The following IL15 variants were observed in gnomAD, a reference collection of about 807,000 sequenced individuals.
The protein encoded by IL15 is interleukin-15.
IL15 carries 11 observed loss-of-function variants against 19.6 expected under a neutral mutation model. The ratio of observed to expected loss-of-function variants is 0.56; its 90% CI spans 0.35 to 0.93. IL15 has a LOEUF of 0.93. IL15 is among the 40% of genes least tolerant of loss of function. The probability of loss-of-function intolerance (pLI) is 0.01; values close to 1 mark genes in which losing one functional copy is unlikely to be tolerated. For synonymous variants in IL15, 58 were observed against 59.6 expected, an observed-to-expected ratio of 0.97 and a Z score of 0.12; for missense variants, 197 against 186.5, an observed-to-expected ratio of 1.06 and a Z score of -0.33.
At chr4:141,688,424 C>G (rs1323352668) in intron 2 of IL15, among the ~76,000 whole-genome samples, 1 of 152,054 alleles carries the variant, frequency 6.6e-6, no homozygotes, top group Admixed American at 6.5e-5. Context: ...GATCCAATTC[C>G]AGAAATGTTC....
intron 2 of IL15, among the ~76,000 whole-genome samples, chr4:141,692,835 T>C (rs974268166): frequency 6.6e-6 from 1 of 151,826 alleles, no homozygotes; most frequent in African/African-American, 2.4e-5. Flanking sequence ...GCCTCCAAAC[T>C]GTTCCAACGT....
intron 2 of IL15, among the ~76,000 whole-genome samples, chr4:141,700,488 T>A (rs1048823534): frequency 3.9e-5 from 6 of 152,198 alleles, no homozygotes; most frequent in African/African-American, 1.4e-4. Context: ...TGATGAGAGA[T>A]CTGCTGTTAA....
At chr4:141,639,569 C>T (rs919070947) in intron 1 of IL15, among the ~76,000 whole-genome samples, 2 of 152,064 alleles carry the variant, frequency 1.3e-5, no homozygotes, top group Admixed American at 6.5e-5. Flanking sequence ...TCTATGTATC[C>T]CTTCTTCCAT....
At chr4:141,652,029 T>A (rs1280776438) in intron 1 of IL15, among the ~76,000 whole-genome samples, 1 of 152,082 alleles carries the variant, frequency 6.6e-6, no homozygotes, top group Admixed American at 6.6e-5. Context: ...ACAGAAGGGA[T>A]GAGGCATGCC....
chr4:141,664,405 A>G (rs1727900481), intron 2 of IL15, among the ~76,000 whole-genome samples: 3 of 151,362 alleles, frequency 2.0e-5, no homozygotes, highest in Non-Finnish European at 3.0e-5. Flanking sequence ...CCAACAACAA[A>G]AAAACCCTCT....
intron 2 of IL15, among the ~76,000 whole-genome samples, chr4:141,712,294 A>G (rs1286126069): frequency 1.3e-5 from 2 of 152,140 alleles, no homozygotes; most frequent in African/African-American, 4.8e-5. Flanking sequence ...AGAGGAACAG[A>G]TATCATTGAT....
chr4:141,656,273 C>T lies in IL15; in HGVS notation c.-134C>T, dbSNP rs1040647203. The T allele has an allele frequency of 4.5e-5, 18 of 398,070 alleles. No homozygotes were observed. Among genetic ancestry groups the T allele is most frequent in the Non-Finnish European group, 7.5e-5 (17 of 225,890 alleles). The allele number at this position is 398,070 out of a possible 1,614,324, so 24.7% of individuals were successfully genotyped here. On this transcript the variant is annotated 5_prime_UTR_variant, in exon 2 of 8. The change creates a premature stop within an existing upstream ORF in the 5' untranslated region. Coordinates refer to ENST00000320650, the MANE Select transcript of IL15 (RefSeq NM_000585.5). Reference sequence around the variant, plus strand: ...CTGACGTCACATGGAGCACAGAAATCAATGTTAGCAGATAGCCAGCCCATA... The same window carrying T: ...CTGACGTCACATGGAGCACAGAAATTAATGTTAGCAGATAGCCAGCCCATA...
chr4:141,692,949 A>T (rs913575364), intron 2 of IL15, among the ~76,000 whole-genome samples: 38 of 144,992 alleles, frequency 2.6e-4, no homozygotes, highest in Admixed American at 1.4e-3. Context: ...TCACACTTCT[A>T]CAAAGGTACT....
chr4:141,688,532 A>T (rs545631898), intron 2 of IL15, among the ~76,000 whole-genome samples: 1 of 152,228 alleles, frequency 6.6e-6, no homozygotes, highest in Admixed American at 6.5e-5. Flanking sequence ...ACCTGAAGCA[A>T]TTAGAAGCCT....
chr4:141,697,529 T>G (rs182102377), intron 2 of IL15, among the ~76,000 whole-genome samples: 18 of 152,246 alleles, frequency 1.2e-4, no homozygotes, highest in Admixed American at 4.6e-4. Context: ...TAGGATTGTT[T>G]TTTCTAGTTC....
At chr4:141,723,531 T>G (rs899009909) in intron 5 of IL15, among the ~76,000 whole-genome samples, 5 of 152,148 alleles carry the variant, frequency 3.3e-5, no homozygotes, top group African/African-American at 1.2e-4. Context: ...AACATGGCCC[T>G]ACCAACACCT....
chr4:141,723,487 C>G (rs1264344606), intron 5 of IL15, among the ~76,000 whole-genome samples: 1 of 152,146 alleles, frequency 6.6e-6, no homozygotes, highest in Non-Finnish European at 1.5e-5. Context: ...TTGGGGAAGT[C>G]AAGAAAGCAT....
intron 2 of IL15, among the ~76,000 whole-genome samples, chr4:141,670,778 T>C (rs1728147104): frequency 6.6e-6 from 1 of 152,208 alleles, no homozygotes; most frequent in African/African-American, 2.4e-5. Context: ...AGATTCAACA[T>C]TATGTCGAAG....
intron 2 of IL15, among the ~76,000 whole-genome samples, chr4:141,701,324 T>A (rs914950372): frequency 6.6e-6 from 1 of 152,086 alleles, no homozygotes; most frequent in African/African-American, 2.4e-5. Flanking sequence ...GGATCTGACT[T>A]TAATGTTTAT....
chr4:141,690,875 A>T (rs1728886697), intron 2 of IL15, among the ~76,000 whole-genome samples: 1 of 152,104 alleles, frequency 6.6e-6, no homozygotes, highest in South Asian at 2.1e-4. Flanking sequence ...TTCATGTTTC[A>T]TGCCTCTGTG....
At chr4:141,691,777 C>T (rs1728920152) in intron 2 of IL15, among the ~76,000 whole-genome samples, 1 of 152,200 alleles carries the variant, frequency 6.6e-6, no homozygotes, top group Admixed American at 6.5e-5. Context: ...TAGCTGCTTT[C>T]ATGGGCTGGC....
At position 141,719,408 on chromosome 4, in the gene IL15, C is replaced by A; in HGVS notation, c.-57C>A. On this transcript the variant is annotated 5_prime_UTR_variant, in exon 3 of 8. Coordinates refer to ENST00000320650, the MANE Select transcript of IL15 (RefSeq NM_000585.5). ...ATTGTGGATGGATGGCTGCTGGAAA[C>A]CCCTTGCCATAGCCAGCTCTTCTTC... 1.3e-6 allele frequency: 1 copy of A among 770,786 alleles called. No individual in the cohort carries two copies. The highest frequency in any genetic ancestry group is 1.5e-5 in the South Asian group (1 of 67,562). The allele number at this position is 770,786 out of a possible 1,614,324, so 47.7% of individuals were successfully genotyped here.
At chr4:141,675,251 T>C (rs1398048591) in intron 2 of IL15, among the ~76,000 whole-genome samples, 1 of 152,126 alleles carries the variant, frequency 6.6e-6, no homozygotes, top group East Asian at 1.9e-4. Context: ...TCTTTTATCA[T>C]TAACTACCAT....
intron 2 of IL15, among the ~76,000 whole-genome samples, chr4:141,678,411 T>C (rs1728423279): frequency 6.6e-6 from 1 of 152,052 alleles, no homozygotes; most frequent in South Asian, 2.1e-4. Flanking sequence ...TAAATCCTTT[T>C]CAGAGGTAAT....
Sources: allele counts gnomAD v4.1 joint callset (sites outside exome capture counted in the v4.1 genomes callset), GRCh38; gene constraint gnomAD v4.1.1; transcripts MANE v1.5; gene names NCBI Gene and HGNC (gene_info 2026-07-23, HGNC 2026-07-21).